Variants in VPS13B observed in about 807,000 individuals in gnomAD.
VPS13B encodes intermembrane lipid transfer protein VPS13B.
Under a neutral mutation model 426.4 loss-of-function variants are expected in VPS13B, and 285 were observed. The observed-to-expected ratio is 0.67, with a 90% CI of 0.61 to 0.74. The LOEUF (loss-of-function observed/expected upper bound fraction) is 0.74, where lower values mean the gene tolerates loss of function less well. VPS13B is among the 30% of genes least tolerant of loss of function. The pLI is 0.00. For synonymous variants in VPS13B, 1,676 were observed against 1,676.4 expected (o/e 1.00, Z 0.01); for missense variants, 4,537 against 4,782.6 (o/e 0.95, Z 1.51).
At chr8:99,515,653 C>A (rs1588454117) in intron 29 of VPS13B, among the ~76,000 whole-genome samples, 1 of 151,748 alleles carries the variant, frequency 6.6e-6, no homozygotes, top group South Asian at 2.1e-4. Flanking sequence ...TTTTTAGCAA[C>A]AAACAACTTT....
intron 3 of VPS13B, among the ~76,000 whole-genome samples, chr8:99,039,235 C>T (rs1842870803): frequency 6.6e-6 from 1 of 152,024 alleles, no homozygotes; most frequent in Admixed American, 6.6e-5. Context: ...TTTTCTAAAT[C>T]TGAAGGGAAT....
rs535168636 is a variant in VPS13B at position 99,637,697 on chromosome 8, G to C, written c.5221-4114G>C. Among the ~76,000 whole-genome samples the C allele has an allele frequency of 5.9e-5, 9 of 152,214 alleles. No homozygotes were observed. The South Asian group carries it at 1.9e-3, about 32-fold the overall frequency. On this transcript the variant is annotated intron_variant, in intron 33 of 61. Coordinates refer to ENST00000357162, the MANE Select transcript of VPS13B (RefSeq NM_152564.5). ...ATTTCTTTACCTTTCTCTACAGGTGGTTTGTTGTTTTATGTTAACACCTAT... is the reference window on the plus strand; with the variant it reads ...ATTTCTTTACCTTTCTCTACAGGTGCTTTGTTGTTTTATGTTAACACCTAT...
At chr8:99,303,939 A>G (rs1393842081) in intron 19 of VPS13B, among the ~76,000 whole-genome samples, 1 of 152,002 alleles carries the variant, frequency 6.6e-6, no homozygotes, top group Non-Finnish European at 1.5e-5. Flanking sequence ...GTAGTTCTCC[A>G]TAGCTTAATT....
Position 99,360,118 on chromosome 8 carries a change from TTATCTTTCTTTCTTTC to T in VPS13B, c.2825-24088_2825-24073del, listed in dbSNP as rs1484224564. On this transcript the variant is annotated intron_variant, in intron 19 of 61. Coordinates refer to ENST00000357162, the MANE Select transcript of VPS13B (RefSeq NM_152564.5). Reference sequence around the variant, plus strand: ...TGCCCAACCTGTTTTTTTTTTTTCCTTATCTTTCTTTCTTTCTTTCTTTCTTTCTTTCTTTCTTTCT... The same window carrying T: ...TGCCCAACCTGTTTTTTTTTTTTCCTTTTCTTTCTTTCTTTCTTTCTTTCT... Among the ~76,000 whole-genome samples, 674 of 123,260 alleles carry T rather than the reference TTATCTTTCTTTCTTTC, an allele frequency of 5.5e-3. 24 individuals are homozygous for T. The highest frequency in any genetic ancestry group is 0.019 in the African/African-American group (568 of 30,666). The allele number at this position is 123,260 out of a possible 152,430, so 80.9% of individuals were successfully genotyped here.
intron 31 of VPS13B, among the ~76,000 whole-genome samples, chr8:99,570,568 TC>T (rs1273968289): frequency 1.3e-5 from 2 of 152,064 alleles, no homozygotes; most frequent in Non-Finnish European, 2.9e-5. Flanking sequence ...TTGCTTTTTT[TC>T]TTATGTTTTT....
chr8:99,033,760 G>T (rs1842620398), intron 2 of VPS13B, among the ~76,000 whole-genome samples: 1 of 151,994 alleles, frequency 6.6e-6, no homozygotes. Flanking sequence ...GCTGGGTGTG[G>T]TGGTGGGTGC....
intron 24 of VPS13B, among the ~76,000 whole-genome samples, chr8:99,475,733 T>A (rs1164253292): frequency 6.6e-6 from 1 of 152,210 alleles, no homozygotes; most frequent in East Asian, 1.9e-4. Flanking sequence ...CCTTCCTATG[T>A]CTGTTCCTTC....
At chr8:99,615,886 T>C (rs1828063560) in intron 33 of VPS13B, among the ~76,000 whole-genome samples, 1 of 151,558 alleles carries the variant, frequency 6.6e-6, no homozygotes, top group Non-Finnish European at 1.5e-5. Context: ...GTTTATTGTC[T>C]TTTTTTATGC....
At chr8:99,047,379 C>T (rs1477189790) in intron 3 of VPS13B, among the ~76,000 whole-genome samples, 1 of 152,082 alleles carries the variant, frequency 6.6e-6, no homozygotes, top group African/African-American at 2.4e-5. Context: ...GTAATATTTC[C>T]CGTTTCGTTT....
At chr8:99,148,907 A>G (rs1342786639) in intron 14 of VPS13B, among the ~76,000 whole-genome samples, 4 of 152,192 alleles carry the variant, frequency 2.6e-5, no homozygotes, top group Non-Finnish European at 4.4e-5. Flanking sequence ...AAAGCCCATA[A>G]CTCAGCTGAA....
intron 22 of VPS13B, among the ~76,000 whole-genome samples, chr8:99,438,258 GAAT>G (rs1817501131): frequency 6.6e-6 from 1 of 151,952 alleles, no homozygotes; most frequent in Non-Finnish European, 1.5e-5. Flanking sequence ...TGGGCCAGTT[GAAT>G]TCTGTCTTCT....
chr8:99,790,008 C>T (rs1812463872), intron 43 of VPS13B, among the ~76,000 whole-genome samples: 1 of 152,120 alleles, frequency 6.6e-6, no homozygotes, highest in South Asian at 2.1e-4. Context: ...CACCCCCACA[C>T]ACACACCCAA....
In VPS13B at chr8:99,876,039, CATTT is replaced by C. The variant is rs374440758; in HGVS notation, c.*378_*381del. Reference sequence around the variant, plus strand: ...ATGTTCTTACCACATACAGAGGATGCATTTATTTTTGCTCTATGACACTTGCAAA... The same window carrying C: ...ATGTTCTTACCACATACAGAGGATGCATTTTTGCTCTATGACACTTGCAAA... On this transcript the variant is annotated 3_prime_UTR_variant, in exon 62 of 62. Transcript: ENST00000357162. 2.8e-3 allele frequency: 701 copies of C among 247,358 alleles called. 19 individuals carry two copies. The South Asian group carries it at 0.042, about 15-fold the overall frequency. 15.3% of individuals were successfully genotyped at this position (247,358 alleles called of 1,614,324 possible).
At chr8:99,056,690 T>G (rs1029535071) in intron 3 of VPS13B, among the ~76,000 whole-genome samples, 3 of 152,206 alleles carry the variant, frequency 2.0e-5, no homozygotes, top group Non-Finnish European at 1.5e-5. Context: ...TTCCTCATCC[T>G]CATTCCTCCA....
chr8:99,484,896 G>A (rs1820222831), intron 25 of VPS13B, among the ~76,000 whole-genome samples: 4 of 150,888 alleles, frequency 2.7e-5, no homozygotes, highest in Admixed American at 2.6e-4. Context: ...TTAGTTTAGT[G>A]AGTACTCCAA....
rs1563520208 is a variant in VPS13B at position 99,871,586 on chromosome 8, C to T, written c.11634C>T (p.Asp3878=). The part of the protein sequence containing the change: ...EVLFVVSVSE[D]TQQQAFPVTE... ...TCTTCGTGGTGAGTGTCAGTGAGGACACACAGCAGCAGGCCTTCCCCGTCA... is the reference window on the plus strand; with the variant it reads ...TCTTCGTGGTGAGTGTCAGTGAGGATACACAGCAGCAGGCCTTCCCCGTCA... Residue 3878 remains aspartate (D), a synonymous_variant, in exon 61 of 62, where the codon GAC becomes GAT. Transcript: ENST00000357162. 1 of 1,614,192 alleles carries T rather than the reference C, an allele frequency of 6.2e-7. No homozygotes were observed. The highest frequency in any genetic ancestry group is 2.2e-5 in the East Asian group (1 of 44,882).
intron 8 of VPS13B, among the ~76,000 whole-genome samples, chr8:99,126,006 C>T (rs774668697): frequency 1.7e-4 from 25 of 150,946 alleles, no homozygotes; most frequent in Admixed American, 6.0e-4. Flanking sequence ...AGGAAAAAAT[C>T]GATATAGGCA....
chr8:99,749,972 A>G (rs1308003655), intron 39 of VPS13B, among the ~76,000 whole-genome samples: 1 of 152,154 alleles, frequency 6.6e-6, no homozygotes, highest in Admixed American at 6.6e-5. Context: ...TATACACATA[A>G]TGAAAATTAA....
intron 2 of VPS13B, among the ~76,000 whole-genome samples, chr8:99,031,480 C>T (rs753056651): frequency 1.3e-4 from 20 of 151,936 alleles, no homozygotes; most frequent in Non-Finnish European, 2.6e-4. Flanking sequence ...TTTCTTGTGT[C>T]CCTAGCTTGA....
Sources: gnomAD v4.1 joint callset for allele counts (sites outside exome capture counted in the v4.1 genomes callset) on GRCh38, gnomAD v4.1.1 for gene constraint, MANE v1.5 for transcripts, NCBI Gene and HGNC (gene_info 2026-07-23, HGNC 2026-07-21) for gene names.